CAMK1D: variants seen among roughly 807,000 people sequenced by gnomAD.
CAMK1D encodes the protein calcium/calmodulin dependent protein kinase ID, also known as calcium/calmodulin-dependent protein kinase type 1D.
Under a neutral mutation model 47.7 loss-of-function variants are expected in CAMK1D, and 9 were observed. That is an observed-to-expected ratio of 0.19 (90% CI 0.11 to 0.33). The LOEUF is 0.33. CAMK1D is among the 10% of genes least tolerant of loss of function. CAMK1D has a pLI of 1.00. For missense variants in CAMK1D, 291 were observed against 488.7 expected (o/e 0.60, Z 3.81); for synonymous variants, 184 against 184.9 (o/e 0.99, Z 0.04).
At position 12,820,109 on chromosome 10, in the gene CAMK1D, G is replaced by A. The variant is rs1044732715; in HGVS notation, c.833+3781G>A. Among the ~76,000 whole-genome samples, 15 of 152,150 alleles carry A rather than the reference G, an allele frequency of 9.9e-5. 1 individual carries two copies. The highest frequency in any genetic ancestry group is 3.3e-4 in the Admixed American group (5 of 15,278). On this transcript the variant is annotated intron_variant, in intron 8 of 10. Coordinates refer to ENST00000619168, the MANE Select transcript of CAMK1D (RefSeq NM_153498.4). ...GGCTAGAGTGCGGTGGCGCGATCTC[G>A]GCTCACTGCAACCTCCGCTTCCCGG... is the stretch of plus-strand genomic sequence containing the variant.
At chr10:12,787,289 C>T (rs1415686648) in intron 5 of CAMK1D, among the ~76,000 whole-genome samples, 1 of 152,218 alleles carries the variant, frequency 6.6e-6, no homozygotes, top group Non-Finnish European at 1.5e-5. Context: ...TGTCATGTGC[C>T]AGTGTCCCTT....
chr10:12,570,183 G>C (rs538150501), intron 2 of CAMK1D, among the ~76,000 whole-genome samples: 45 of 152,188 alleles, frequency 3.0e-4, no homozygotes, highest in African/African-American at 1.1e-3. Context: ...CTGGGCGACA[G>C]AGTGAGACTA....
At chr10:12,421,529 TTTTTTTTTTTTTTTG>T (rs1840051186) in intron 1 of CAMK1D, among the ~76,000 whole-genome samples, 1 of 132,300 alleles carries the variant, frequency 7.6e-6, no homozygotes. Flanking sequence ...TTTTTTTTTT[TTTTTTTTTTTTTTTG>T]AGACAAGGTC....
At position 12,751,380 on chromosome 10, in the gene CAMK1D, A is replaced by G. The variant is rs542554152; in HGVS notation, c.300-9568A>G. On this transcript the variant is annotated intron_variant, in intron 3 of 10. Transcript: ENST00000619168. ...ATGATCCTTCCATCTCAGCCTCCCA[A>G]AGTGCTAGGAATACAGGAGCTCCAC... Among the ~76,000 whole-genome samples, 19 of 152,192 alleles carry G rather than the reference A, an allele frequency of 1.2e-4. No individual in the cohort carries two copies. In the South Asian group the frequency reaches 1.2e-3, roughly 10 times the overall value.
intron 7 of CAMK1D, among the ~76,000 whole-genome samples, chr10:12,815,694 C>G (rs1644416): frequency 0.43 from 64,782 of 152,154 alleles, 15,800 homozygotes; most frequent in East Asian, 0.69. Context: ...GGGCTGCCAA[C>G]TACTCCCCCA....
intron 2 of CAMK1D, among the ~76,000 whole-genome samples, chr10:12,587,632 G>A (rs1438006912): frequency 2.6e-5 from 4 of 151,994 alleles, no homozygotes; most frequent in African/African-American, 7.3e-5. Context: ...AAACACAGCT[G>A]GAAGAAGAGG....
intron 9 of CAMK1D, 102 bp downstream of exon 9, chr10:12,824,654 T>G: frequency 1.1e-6 from 1 of 924,602 alleles, no homozygotes; most frequent in Non-Finnish European, 1.7e-6. Context: ...ACCTGAATAA[T>G]TTTGCTAATT....
intron 3 of CAMK1D, among the ~76,000 whole-genome samples, chr10:12,715,521 A>G (rs1834093263): frequency 6.6e-6 from 1 of 152,246 alleles, no homozygotes; most frequent in African/African-American, 2.4e-5. Context: ...TTTGGCTTGA[A>G]GTGATTGGCA....
At chr10:12,753,144 C>T (rs1836066696) in intron 3 of CAMK1D, among the ~76,000 whole-genome samples, 1 of 151,980 alleles carries the variant, frequency 6.6e-6, no homozygotes, top group African/African-American at 2.4e-5. Context: ...CCCAGATACT[C>T]GGGAGACTGA....
chr10:12,408,111 G>A (rs555247770), intron 1 of CAMK1D, among the ~76,000 whole-genome samples: 1 of 151,852 alleles, frequency 6.6e-6, no homozygotes, highest in East Asian at 1.9e-4. Context: ...ACCCACCTTG[G>A]CCTCCCAGAG....
chr10:12,767,206 T>C lies in CAMK1D; in HGVS notation c.439-2467T>C, dbSNP rs557964883. On this transcript the variant is annotated intron_variant, in intron 4 of 10. Transcript: ENST00000619168. ...TTTTATTTGTTTTTGAGACAGAGTTTCACTCTTTTTGCCCAGGCTGGAGTG... is the reference window on the plus strand; with the variant it reads ...TTTTATTTGTTTTTGAGACAGAGTTCCACTCTTTTTGCCCAGGCTGGAGTG... Among the ~76,000 whole-genome samples the C allele has an allele frequency of 4.6e-5, 7 of 152,272 alleles. No homozygotes were observed. The South Asian group carries it at 1.5e-3, about 32-fold the overall frequency.
chr10:12,776,736 T>C (rs1837264019), intron 5 of CAMK1D, among the ~76,000 whole-genome samples: 1 of 152,232 alleles, frequency 6.6e-6, no homozygotes, highest in African/African-American at 2.4e-5. Flanking sequence ...ATATCACGGC[T>C]TCTTTGCTGT....
intron 1 of CAMK1D, among the ~76,000 whole-genome samples, chr10:12,427,319 C>T (rs1840267513): frequency 6.6e-6 from 1 of 152,210 alleles, no homozygotes; most frequent in South Asian, 2.1e-4. Context: ...CTCGGAGAGT[C>T]CTGGAGCCAT....
chr10:12,809,706 T>C (rs1264670460), intron 6 of CAMK1D, among the ~76,000 whole-genome samples: 1 of 151,672 alleles, frequency 6.6e-6, no homozygotes, highest in Admixed American at 6.6e-5. Flanking sequence ...AATGAAAGAG[T>C]GGAAATGGTA....
In CAMK1D at chr10:12,698,673, A is replaced by ATTTTTTTTTTT. The variant is rs573723767; in HGVS notation, c.299+31871_299+31881dup. Among the ~76,000 whole-genome samples the ATTTTTTTTTTT allele has an allele frequency of 3.3e-4, 34 of 103,920 alleles. 1 individual carries two copies. The highest frequency in any genetic ancestry group is 7.4e-4 in the African/African-American group (21 of 28,274). The allele number at this position is 103,920 out of a possible 152,430, so 68.2% of individuals were successfully genotyped here. ...GAAGAAAAATGATGCCCTTTAAAGA[A>ATTTTTTTTTTT]TTTTTTTTTTTTTTTTTTGAGACGG... On this transcript the variant is annotated intron_variant, in intron 3 of 10. Coordinates refer to ENST00000619168, the MANE Select transcript of CAMK1D (RefSeq NM_153498.4).
intron 1 of CAMK1D, among the ~76,000 whole-genome samples, chr10:12,351,559 C>T (rs1004348601): frequency 9.9e-5 from 15 of 152,188 alleles, no homozygotes; most frequent in Admixed American, 5.9e-4. Flanking sequence ...TGTTCCCACC[C>T]GAGCCCCCCA....
intron 2 of CAMK1D, among the ~76,000 whole-genome samples, chr10:12,658,082 A>G (rs1331072655): frequency 6.6e-6 from 1 of 152,074 alleles, no homozygotes; most frequent in East Asian, 1.9e-4. Flanking sequence ...CAGGAGGTGG[A>G]GGTTGCAGTG....
At chr10:12,819,402 A>G (rs1832934040) in intron 8 of CAMK1D, among the ~76,000 whole-genome samples, 2 of 152,204 alleles carry the variant, frequency 1.3e-5, no homozygotes, top group African/African-American at 4.8e-5. Flanking sequence ...ACTGGGAAGG[A>G]GGGCAGGAAC....
chr10:12,391,920 A>G (rs1434073044), intron 1 of CAMK1D, among the ~76,000 whole-genome samples: 1 of 151,768 alleles, frequency 6.6e-6, no homozygotes, highest in African/African-American at 2.4e-5. Context: ...AAATCAGATA[A>G]ATGGTAATTG....
Sources: allele counts gnomAD v4.1 joint callset (sites outside exome capture counted in the v4.1 genomes callset), GRCh38; gene constraint gnomAD v4.1.1; transcripts MANE v1.5; gene names NCBI Gene and HGNC (gene_info 2026-07-23, HGNC 2026-07-21).